The following TMEM132C variants were observed in gnomAD, a reference collection of about 807,000 sequenced individuals.
The protein encoded by TMEM132C is transmembrane protein 132C.
In TMEM132C, 29 loss-of-function variants were observed where a neutral mutation model predicts 61.4. The ratio of observed to expected loss-of-function variants is 0.47; its 90% confidence interval spans 0.35 to 0.64. TMEM132C has a LOEUF of 0.64. Among genes scored for constraint, TMEM132C ranks in the 30% least tolerant of loss-of-function variants. The pLI is 0.00. For missense variants in TMEM132C, 1,408 were observed against 1,476.9 expected, an observed-to-expected ratio of 0.95 and a Z score of 0.76; for synonymous variants, 656 against 633.1, an observed-to-expected ratio of 1.04 and a Z score of -0.54.
chr12:128,268,837 T>C (rs1213021933), intron 1 of TMEM132C, among the ~76,000 whole-genome samples: 19 of 145,062 alleles, frequency 1.3e-4, no homozygotes, highest in Non-Finnish European at 2.6e-4. Flanking sequence ...TTTATATAAG[T>C]GTTCCTTTCT....
At chr12:128,559,536 C>A (rs1014681626) in intron 3 of TMEM132C, among the ~76,000 whole-genome samples, 2 of 152,198 alleles carry the variant, frequency 1.3e-5, no homozygotes, top group African/African-American at 4.8e-5. Context: ...TGTTACCCTG[C>A]ACAGAGACGG....
chr12:128,310,304 A>G (rs1011250623), intron 1 of TMEM132C, among the ~76,000 whole-genome samples: 4 of 152,178 alleles, frequency 2.6e-5, no homozygotes, highest in African/African-American at 9.6e-5. Context: ...AAGAAGGATA[A>G]TGGGTGTATT....
chr12:128,535,650 C>T (rs755146093), intron 2 of TMEM132C, among the ~76,000 whole-genome samples: 16 of 152,128 alleles, frequency 1.1e-4, no homozygotes, highest in African/African-American at 3.1e-4. Flanking sequence ...AGGCAGACCA[C>T]GAAGTCAGGA....
chr12:128,290,253 G>A (rs1350288468), intron 1 of TMEM132C, among the ~76,000 whole-genome samples: 1 of 152,092 alleles, frequency 6.6e-6, no homozygotes, highest in Non-Finnish European at 1.5e-5. Context: ...AGTTCTGCAG[G>A]CTTAATAGAA....
At chr12:128,587,343 C>G (rs1875586411) in intron 3 of TMEM132C, among the ~76,000 whole-genome samples, 1 of 152,170 alleles carries the variant, frequency 6.6e-6, no homozygotes, top group Non-Finnish European at 1.5e-5. Flanking sequence ...CCTAGACAGC[C>G]ATCCTCTCTC....
rs1222939050 is a variant in TMEM132C, at chr12:128,696,231, T to G, written c.1929+128T>G. The G allele has an allele frequency of 6.3e-5, 82 of 1,308,790 alleles. 1 individual carries two copies. The South Asian group carries it at 1.1e-3, about 18-fold the overall frequency. 81.1% of individuals were successfully genotyped at this position (1,308,790 alleles called of 1,614,324 possible). Reference sequence around the variant, plus strand: ...TGTGTATCATGGGAACACAGGAAGATGAGCCCAGGCCAGATCTTGAGTCCA... The same window carrying G: ...TGTGTATCATGGGAACACAGGAAGAGGAGCCCAGGCCAGATCTTGAGTCCA... On this transcript the variant is annotated intron_variant, in intron 7 of 8. Coordinates refer to ENST00000435159, the MANE Select transcript of TMEM132C (RefSeq NM_001136103.3).
intron 2 of TMEM132C, among the ~76,000 whole-genome samples, chr12:128,543,547 G>C (rs1006703385): frequency 4.6e-5 from 7 of 152,066 alleles, no homozygotes; most frequent in African/African-American, 1.7e-4. Context: ...TTCCCTACTG[G>C]ATAACAACAC....
intron 2 of TMEM132C, among the ~76,000 whole-genome samples, chr12:128,447,786 G>T (rs1870038826): frequency 2.2e-5 from 2 of 92,012 alleles, no homozygotes; most frequent in South Asian, 5.8e-4. Flanking sequence ...GACTGCAGTG[G>T]CGCAATCTCG....
intron 1 of TMEM132C, among the ~76,000 whole-genome samples, chr12:128,388,258 C>T (rs1235974774): frequency 3.3e-5 from 5 of 152,228 alleles, no homozygotes; most frequent in African/African-American, 1.2e-4. Context: ...GGTGGGGCCT[C>T]TGGTGATCCG....
At chr12:128,521,345 GTA>G (rs1872899715) in intron 2 of TMEM132C, among the ~76,000 whole-genome samples, 6 of 150,276 alleles carry the variant, frequency 4.0e-5, no homozygotes, top group Non-Finnish European at 5.9e-5. Flanking sequence ...GTGTGTGTGT[GTA>G]TACACTTTAA....
At chr12:128,373,152 A>G (rs189158032) in intron 1 of TMEM132C, among the ~76,000 whole-genome samples, 54 of 152,210 alleles carry the variant, frequency 3.5e-4, no homozygotes, top group African/African-American at 1.3e-3. Flanking sequence ...AGGAACCCAC[A>G]TTCTTTCTAT....
intron 1 of TMEM132C, among the ~76,000 whole-genome samples, chr12:128,402,739 G>A (rs913181430): frequency 6.6e-6 from 1 of 152,206 alleles, no homozygotes; most frequent in African/African-American, 2.4e-5. Context: ...AGCTTAACTT[G>A]CGGAAACACT....
intron 3 of TMEM132C, among the ~76,000 whole-genome samples, chr12:128,595,577 AGAG>A (rs1198663530): frequency 6.6e-6 from 1 of 152,174 alleles, no homozygotes; most frequent in East Asian, 1.9e-4. Context: ...CATGCGGTGA[AGAG>A]GAGGAGGCCA....
intron 2 of TMEM132C, among the ~76,000 whole-genome samples, chr12:128,475,043 C>T (rs1167813487): frequency 6.6e-6 from 1 of 152,086 alleles, no homozygotes; most frequent in East Asian, 1.9e-4. Context: ...TGGAAGGGAA[C>T]GAGGCAGGGA....
At chr12:128,437,539 G>T (rs577688473) in intron 2 of TMEM132C, among the ~76,000 whole-genome samples, 1 of 152,234 alleles carries the variant, frequency 6.6e-6, no homozygotes. Flanking sequence ...AGGGGGCAAA[G>T]ATGGAAAATA....
At chr12:128,377,835 C>G (rs921656180) in intron 1 of TMEM132C, among the ~76,000 whole-genome samples, 4 of 151,976 alleles carry the variant, frequency 2.6e-5, no homozygotes, top group African/African-American at 9.7e-5. Flanking sequence ...CAACATTGCT[C>G]TGACATCAGA....
At position 128,415,258 on chromosome 12, in the gene TMEM132C, G is replaced by A; in HGVS notation, c.612G>A (p.Trp204Ter). Residue 204 changes from tryptophan (W) to a stop codon, truncating the protein, a stop_gained, in exon 2 of 9, where the codon TGG becomes TGA. Coordinates refer to ENST00000435159, the MANE Select transcript of TMEM132C (RefSeq NM_001136103.3). LOFTEE classifies it high-confidence loss of function. The surrounding 1 kb of genome is among the most constrained non-coding windows in gnomAD (Gnocchi z 5.8). ...CVAELELLSSWFSAPTVGAGR... is the reference protein window; with the variant it reads ...CVAELELLSS ...CTGAGCTGGAGCTCCTGTCCAGCTG[G>A]TTCAGTGCCCCGACGGTGGGTGCCG... 6.2e-7 allele frequency: 1 copy of A among 1,605,586 alleles called. No individual in the cohort carries two copies. Among genetic ancestry groups the A allele is most frequent in the Non-Finnish European group, 8.5e-7 (1 of 1,176,104 alleles).
chr12:128,635,693 G>T (rs575723767), intron 4 of TMEM132C, among the ~76,000 whole-genome samples: 3 of 152,042 alleles, frequency 2.0e-5, no homozygotes, highest in South Asian at 2.1e-4. Flanking sequence ...AACCTCTCAG[G>T]GTTGCAGCAG....
chr12:128,489,825 A>G (rs1467061620), intron 2 of TMEM132C, among the ~76,000 whole-genome samples: 1 of 152,114 alleles, frequency 6.6e-6, no homozygotes, highest in East Asian at 1.9e-4. Flanking sequence ...TCCTTCTATT[A>G]AAGAGCCACC....
Sources: gnomAD v4.1 joint callset for allele counts (sites outside exome capture counted in the v4.1 genomes callset) on GRCh38, gnomAD v4.1.1 for gene constraint, Gnocchi (gnomAD v3.1) non-coding constraint, MANE v1.5 for transcripts, NCBI Gene and HGNC (gene_info 2026-07-23, HGNC 2026-07-21) for gene names.